Variants in GSK3B observed in about 807,000 individuals in gnomAD.
GSK3B encodes the protein glycogen synthase kinase 3 beta, also known as glycogen synthase kinase-3 beta.
In GSK3B, 15 loss-of-function variants were observed where a neutral mutation model predicts 56.4. That is an observed-to-expected ratio of 0.27 (90% confidence interval 0.18 to 0.41). The LOEUF (loss-of-function observed/expected upper bound fraction) is 0.41, where lower values mean the gene tolerates loss of function less well. Among genes scored for constraint, GSK3B ranks in the 10% least tolerant of loss-of-function variants. The pLI, the probability that GSK3B is intolerant of heterozygous loss-of-function variation, is 1.00. For synonymous variants in GSK3B, 181 were observed against 188.9 expected, an observed-to-expected ratio of 0.96 and a Z score of 0.34; for missense variants, 300 against 513.4, an observed-to-expected ratio of 0.58 and a Z score of 4.02.
At chr3:120,049,407 G>A (rs1242387356) in intron 1 of GSK3B, among the ~76,000 whole-genome samples, 1 of 152,176 alleles carries the variant, frequency 6.6e-6, no homozygotes, top group African/African-American at 2.4e-5. Context: ...GCGGTAGAGG[G>A]TATGAAGGAA....
intron 10 of GSK3B, among the ~76,000 whole-genome samples, chr3:119,833,701 T>G (rs1299158200): frequency 2.7e-5 from 4 of 147,182 alleles, no homozygotes. Context: ...TTTTTTTTTT[T>G]TTTTTTTTTT....
Position 119,851,489 on chromosome 3 carries a change from G to A in GSK3B, c.1097-8136C>T, listed in dbSNP as rs148118459. On this transcript the variant is annotated intron_variant, in intron 9 of 10. Transcript: ENST00000264235. ...GGGGCAGGTAGGTGCTAGTGGTAAC[G>A]TGTTTGTACAAACTGTTGTGTGAAA... is the stretch of plus-strand genomic sequence containing the variant. Among the ~76,000 whole-genome samples the A allele has an allele frequency of 5.1e-4, 77 of 152,262 alleles. No homozygotes were observed. The East Asian group carries it at 0.014, about 27-fold the overall frequency.
intron 2 of GSK3B, among the ~76,000 whole-genome samples, chr3:119,997,956 TAAAG>T (rs1465484168): frequency 2.0e-5 from 3 of 152,184 alleles, no homozygotes; most frequent in Non-Finnish European, 4.4e-5. Context: ...CCAGAAAAAT[TAAAG>T]AAATATGTGA....
chr3:119,996,943 T>G (rs2057624102), intron 2 of GSK3B, among the ~76,000 whole-genome samples: 1 of 152,086 alleles, frequency 6.6e-6, no homozygotes, highest in Non-Finnish European at 1.5e-5. Context: ...CAAACAGGAT[T>G]ATTAGAAAGC....
chr3:119,973,162 C>G (rs1239861319), intron 2 of GSK3B, among the ~76,000 whole-genome samples: 1 of 151,042 alleles, frequency 6.6e-6, no homozygotes, highest in Non-Finnish European at 1.5e-5. Context: ...AGCATTATTA[C>G]TACTACTACT....
intron 1 of GSK3B, among the ~76,000 whole-genome samples, chr3:120,031,372 T>A (rs192844088): frequency 1.6e-3 from 245 of 152,278 alleles, no homozygotes; most frequent in Non-Finnish European, 2.9e-3. Context: ...TAATACTGGT[T>A]AATAAGCTTT....
chr3:119,861,399 T>C (rs1559812044), intron 9 of GSK3B, among the ~76,000 whole-genome samples: 1 of 151,486 alleles, frequency 6.6e-6, no homozygotes, highest in Non-Finnish European at 1.5e-5. Context: ...TAATCCCAGC[T>C]ACTAAGGAGG....
chr3:119,866,522 AAAG>A (rs1226245286), intron 8 of GSK3B: 55 of 928,216 alleles, frequency 5.9e-5, no homozygotes, highest in African/African-American at 3.6e-4. Flanking sequence ...TTAGCCTCTC[AAAG>A]AAGATTTCCC....
At chr3:120,082,347 T>C (rs1275193638) in intron 1 of GSK3B, among the ~76,000 whole-genome samples, 1 of 149,730 alleles carries the variant, frequency 6.7e-6, no homozygotes, top group African/African-American at 2.5e-5. Context: ...ATGTAGCTAA[T>C]GAACCCTTGA....
intron 1 of GSK3B, among the ~76,000 whole-genome samples, chr3:120,083,176 G>A (rs2058435739): frequency 6.6e-6 from 1 of 152,078 alleles, no homozygotes; most frequent in African/African-American, 2.4e-5. Flanking sequence ...ACTTTTCCAG[G>A]TATATTTATC....
At chr3:119,943,796 G>A (rs980012004) in intron 3 of GSK3B, among the ~76,000 whole-genome samples, 12 of 151,808 alleles carry the variant, frequency 7.9e-5, no homozygotes, top group African/African-American at 2.9e-4. Flanking sequence ...GGGGAGAAGA[G>A]AGAGACAAGA....
At chr3:119,984,883 C>CA (rs1253234149) in intron 2 of GSK3B, among the ~76,000 whole-genome samples, 2 of 151,950 alleles carry the variant, frequency 1.3e-5, no homozygotes, top group East Asian at 3.8e-4. Context: ...AGAGACACAA[C>CA]AAAAAAAGGA....
At chr3:119,947,012 G>T (rs184263371) in intron 3 of GSK3B, among the ~76,000 whole-genome samples, 122 of 151,722 alleles carry the variant, frequency 8.0e-4, no homozygotes, top group Middle Eastern at 3.4e-3. Flanking sequence ...AAAGTATATA[G>T]ATTTTCTTGA....
chr3:119,986,911 G>C (rs2057521732), intron 2 of GSK3B, among the ~76,000 whole-genome samples: 2 of 151,266 alleles, frequency 1.3e-5, no homozygotes, highest in South Asian at 4.2e-4. Context: ...CTATTCACAA[G>C]ACTTGGAACC....
At chr3:119,946,223 G>C (rs2057098707) in intron 3 of GSK3B, among the ~76,000 whole-genome samples, 1 of 151,990 alleles carries the variant, frequency 6.6e-6, no homozygotes, top group Admixed American at 6.6e-5. Flanking sequence ...CAAAATTCGG[G>C]CTTAATACAT....
intron 1 of GSK3B, among the ~76,000 whole-genome samples, chr3:120,043,706 T>C (rs553355633): frequency 6.6e-6 from 1 of 152,190 alleles, no homozygotes; most frequent in African/African-American, 2.4e-5. Flanking sequence ...ATTGTCCATC[T>C]CACCATTGTA....
At chr3:120,049,525 T>C (rs2058130346) in intron 1 of GSK3B, among the ~76,000 whole-genome samples, 1 of 152,180 alleles carries the variant, frequency 6.6e-6, no homozygotes, top group Non-Finnish European at 1.5e-5. Context: ...AGAGAACATT[T>C]AAGGCAGAGG....
chr3:120,082,553 G>A (rs1289852153), intron 1 of GSK3B, among the ~76,000 whole-genome samples: 1 of 151,676 alleles, frequency 6.6e-6, no homozygotes, highest in Admixed American at 6.6e-5. Flanking sequence ...CTGCCACCAC[G>A]CCCAGCTAAT....
chr3:119,943,537 T>G (rs1165977877), intron 3 of GSK3B, among the ~76,000 whole-genome samples: 7 of 152,124 alleles, frequency 4.6e-5, no homozygotes. Flanking sequence ...AGTGAATAAT[T>G]TAGTTGTTTT....
Sources: allele counts gnomAD v4.1 joint callset (sites outside exome capture counted in the v4.1 genomes callset), GRCh38; gene constraint gnomAD v4.1.1; transcripts MANE v1.5; gene names NCBI Gene and HGNC (gene_info 2026-07-23, HGNC 2026-07-21).